Variants in CFAP20DC observed in about 807,000 individuals in gnomAD.
The protein encoded by CFAP20DC is protein CFAP20DC.
In CFAP20DC, 84 loss-of-function variants were observed where a neutral mutation model predicts 101.7. The observed-to-expected ratio is 0.83, with a 90% CI of 0.69 to 0.99. The LOEUF is 0.99. Ranked by LOEUF, CFAP20DC falls within the 50% of genes least tolerant of loss-of-function variation. The pLI, the probability that CFAP20DC is intolerant of heterozygous loss-of-function variation, is 0.00. For missense variants in CFAP20DC, 1,007 were observed against 970.3 expected (o/e 1.04, Z -0.50); for synonymous variants, 359 against 351.2 (o/e 1.02, Z -0.25).
chr3:58,848,984 C>G lies in CFAP20DC; in HGVS notation c.1971+48G>C, dbSNP rs1268293641. ...AACATGGGTGGAACAGAACGGAACA[C>G]AGCAGGATGTATTGCCGGCATCTGT... is the stretch of plus-strand genomic sequence containing the variant. On this transcript the variant is annotated intron_variant, in intron 13 of 16. Coordinates refer to ENST00000482387, the MANE Select transcript of CFAP20DC (RefSeq NM_001394063.1). The G allele has an allele frequency of 4.0e-6, 6 of 1,514,756 alleles. No homozygotes were observed. The South Asian group carries it at 6.2e-5, about 16-fold the overall frequency. 93.8% of individuals were successfully genotyped at this position (1,514,756 alleles called of 1,614,324 possible). A position where few individuals can be genotyped will look rare whatever the true frequency, so the allele number is the denominator to read the frequency against.
intron 15 of CFAP20DC, among the ~76,000 whole-genome samples, chr3:58,761,616 TA>T (rs1436597277): frequency 6.6e-6 from 1 of 152,216 alleles, no homozygotes; most frequent in Non-Finnish European, 1.5e-5. Flanking sequence ...CTAGTTCTTT[TA>T]ATTGTGATGT....
In CFAP20DC at chr3:59,049,589, T is replaced by C. The variant is rs59732370; in HGVS notation, c.21+22A>G. 5,505 of 1,535,302 alleles carry C rather than the reference T, an allele frequency of 3.6e-3. 163 individuals are homozygous for C. In the African/African-American group the frequency reaches 0.066, roughly 18 times the overall value. On this transcript the variant is annotated intron_variant, in intron 1 of 16. Transcript: ENST00000482387. The stretch of plus-strand genomic sequence containing the variant: ...CCAAGAGGAGAAAGGTATAGACAGG[T>C]TGGAGAACCGTTTCGGGTTACCTGG...
intron 4 of CFAP20DC, among the ~76,000 whole-genome samples, chr3:58,960,491 CAAAA>C (rs931283893): frequency 1.0e-5 from 1 of 96,540 alleles, no homozygotes; most frequent in Non-Finnish European, 2.2e-5. Flanking sequence ...GACTCTGTCT[CAAAA>C]AAAAAAAAAA....
chr3:58,977,247 T>C (rs551556961), intron 4 of CFAP20DC, among the ~76,000 whole-genome samples: 18 of 152,292 alleles, frequency 1.2e-4, no homozygotes, highest in African/African-American at 3.6e-4. Flanking sequence ...AAACCTAATT[T>C]GCCAAGTTAC....
intron 4 of CFAP20DC, among the ~76,000 whole-genome samples, chr3:59,035,627 C>A (rs981030056): frequency 1.2e-4 from 19 of 152,116 alleles, no homozygotes; most frequent in African/African-American, 4.6e-4. Context: ...ACACATATAA[C>A]CTCCCAAGAC....
intron 3 of CFAP20DC, among the ~76,000 whole-genome samples, chr3:58,736,670 T>TAA (rs1255725938): frequency 6.6e-6 from 1 of 152,188 alleles, no homozygotes; most frequent in African/African-American, 2.4e-5. Context: ...ATCCACCTGT[T>TAA]AAAATATTGA....
At chr3:58,963,051 T>C (rs574169685) in intron 4 of CFAP20DC, among the ~76,000 whole-genome samples, 1 of 152,028 alleles carries the variant, frequency 6.6e-6, no homozygotes, top group East Asian at 1.9e-4. Flanking sequence ...GTGCTCCAAA[T>C]CAAGTCAGCT....
chr3:58,950,234 C>T (rs2089937876), intron 4 of CFAP20DC, among the ~76,000 whole-genome samples: 1 of 152,140 alleles, frequency 6.6e-6, no homozygotes, highest in Non-Finnish European at 1.5e-5. Flanking sequence ...AGGAGAACTA[C>T]AAACCACTGC....
chr3:58,862,425 C>A, intron 12 of CFAP20DC: 1 of 985,276 alleles, frequency 1.0e-6, no homozygotes, highest in Non-Finnish European at 1.2e-6. Context: ...GCATCAAATG[C>A]ACTATTTATG....
At chr3:58,883,293 C>T (rs1301591134) in intron 7 of CFAP20DC, among the ~76,000 whole-genome samples, 1 of 152,168 alleles carries the variant, frequency 6.6e-6, no homozygotes, top group African/African-American at 2.4e-5. Context: ...GCTGCAGAGA[C>T]ATCTTAGTTG....
chr3:58,800,410 G>A (rs143798133), intron 15 of CFAP20DC, among the ~76,000 whole-genome samples: 1 of 152,184 alleles, frequency 6.6e-6, no homozygotes, highest in Non-Finnish European at 1.5e-5. Context: ...AGACAGAACA[G>A]GGATCACCCT....
chr3:58,723,884 T>A (rs1174737247), intron 3 of CFAP20DC, among the ~76,000 whole-genome samples: 1 of 152,238 alleles, frequency 6.6e-6, no homozygotes, highest in Non-Finnish European at 1.5e-5. Flanking sequence ...TGTTTTTTTA[T>A]GGGAAAGGAC....
chr3:58,887,340 G>C (rs1246140169), intron 6 of CFAP20DC: 1 of 152,132 alleles, frequency 6.6e-6, no homozygotes, highest in Non-Finnish European at 1.5e-5. Context: ...TAATTTCCAT[G>C]TCAATGCCAA....
intron 6 of CFAP20DC, among the ~76,000 whole-genome samples, chr3:58,889,417 A>T (rs1242753372): frequency 2.6e-5 from 4 of 152,312 alleles, no homozygotes; most frequent in African/African-American, 9.6e-5. Context: ...GAAACTTCAA[A>T]GACAGTCAGG....
intron 5 of CFAP20DC, among the ~76,000 whole-genome samples, chr3:58,929,576 T>A (rs2107643149): frequency 6.6e-6 from 1 of 152,348 alleles, no homozygotes; most frequent in East Asian, 1.9e-4. Context: ...TTCAAGCATT[T>A]ATGGATATTT....
At chr3:58,754,086 G>A (rs1429863730) in intron 15 of CFAP20DC, among the ~76,000 whole-genome samples, 2 of 152,118 alleles carry the variant, frequency 1.3e-5, no homozygotes, top group South Asian at 4.1e-4. Flanking sequence ...TCAACTAAAT[G>A]AATATTCCAC....
intron 14 of CFAP20DC, among the ~76,000 whole-genome samples, chr3:58,826,358 T>G (rs1005998093): frequency 6.7e-6 from 1 of 149,578 alleles, no homozygotes; most frequent in Non-Finnish European, 1.5e-5. Flanking sequence ...ATGTGTAGGT[T>G]TGTTACATAG....
chr3:58,975,740 C>G (rs925459430), intron 4 of CFAP20DC, among the ~76,000 whole-genome samples: 2 of 151,962 alleles, frequency 1.3e-5, no homozygotes, highest in Non-Finnish European at 2.9e-5. Context: ...CTAAAATCAC[C>G]TGTTTTGGTA....
chr3:58,881,354 C>G (rs1037452796), intron 7 of CFAP20DC, among the ~76,000 whole-genome samples: 6 of 152,080 alleles, frequency 3.9e-5, no homozygotes, highest in African/African-American at 1.4e-4. Context: ...TGCTCAACTT[C>G]AATAACCAGA....
Sources: gnomAD v4.1 joint callset for allele counts (sites outside exome capture counted in the v4.1 genomes callset) on GRCh38, gnomAD v4.1.1 for gene constraint, MANE v1.5 for transcripts, NCBI Gene and HGNC (gene_info 2026-07-23, HGNC 2026-07-21) for gene names.